The following CLVS1 variants were observed in gnomAD, a reference collection of about 807,000 sequenced individuals.
CLVS1 encodes clavesin-1.
Under a neutral mutation model 33.1 loss-of-function variants are expected in CLVS1, and 10 were observed. The ratio of observed to expected loss-of-function variants is 0.30; its 90% CI spans 0.19 to 0.51. The LOEUF (loss-of-function observed/expected upper bound fraction) is 0.51, where lower values mean the gene tolerates loss of function less well. CLVS1 is among the 20% of genes least tolerant of loss of function. The probability of loss-of-function intolerance (pLI) is 0.97; values close to 1 mark genes in which losing one functional copy is unlikely to be tolerated. For missense variants in CLVS1, 343 were observed against 433.4 expected (o/e 0.79, Z 1.85); for synonymous variants, 163 against 166.1 (o/e 0.98, Z 0.14).
rs116880802 is a variant in CLVS1 at position 61,375,503 on chromosome 8, G to A, written c.456-1102G>A. Reference sequence around the variant, plus strand: ...TGACATCAGGTGATCTGCCTGCTTCGGCCTCTAAAAGTCCTGGGATTACAG... The same window carrying A: ...TGACATCAGGTGATCTGCCTGCTTCAGCCTCTAAAAGTCCTGGGATTACAG... On this transcript the variant is annotated intron_variant, in intron 2 of 5. Coordinates refer to ENST00000325897, the MANE Select transcript of CLVS1 (RefSeq NM_173519.3). 2.0e-3 allele frequency among the ~76,000 whole-genome samples: 302 copies of A among 152,152 alleles called. 8 individuals carry two copies. The East Asian group carries it at 0.049, about 25-fold the overall frequency.
intron 2 of CLVS1, among the ~76,000 whole-genome samples, chr8:61,164,642 C>T (rs1422071572): frequency 6.6e-6 from 1 of 152,194 alleles, no homozygotes; most frequent in Non-Finnish European, 1.5e-5. Context: ...AACCAATCCC[C>T]TGAGCCCTAT....
chr8:61,404,088 T>C (rs1270429416), intron 3 of CLVS1, among the ~76,000 whole-genome samples: 4 of 152,206 alleles, frequency 2.6e-5, no homozygotes, highest in Admixed American at 6.5e-5. Flanking sequence ...AGGATTCTTA[T>C]GGAGCTGCTG....
In CLVS1 at chr8:61,093,366, T is replaced by C. The variant is rs188997735; in HGVS notation, c.-243+36136T>C. ...GCAACAATTTGTAATGCAGCCTCTA[T>C]GGCTATAGAATTCTTCCTGGACTCA... On this transcript the variant is annotated intron_variant, in intron 1 of 2. Transcript: ENST00000522621. 1.8e-4 allele frequency among the ~76,000 whole-genome samples: 27 copies of C among 152,296 alleles called. No individual in the cohort carries two copies. In the Middle Eastern group the frequency reaches 0.01, roughly 58 times the overall value.
At chr8:61,272,869 A>G (rs1225888461) in intron 2 of CLVS1, among the ~76,000 whole-genome samples, 1 of 151,770 alleles carries the variant, frequency 6.6e-6, no homozygotes, top group African/African-American at 2.4e-5. Context: ...ACTTGTCTGT[A>G]TTGGTTATTC....
intron 2 of CLVS1, among the ~76,000 whole-genome samples, chr8:61,172,711 TA>T (rs1260022497): frequency 6.6e-6 from 1 of 152,126 alleles, no homozygotes; most frequent in Non-Finnish European, 1.5e-5. Flanking sequence ...AAATTTATCG[TA>T]TTTTCACATA....
chr8:61,239,407 C>T (rs1321350187), intron 2 of CLVS1, among the ~76,000 whole-genome samples: 1 of 152,104 alleles, frequency 6.6e-6, no homozygotes, highest in Non-Finnish European at 1.5e-5. Context: ...CAATTATGTT[C>T]TAATATAGGT....
intron 2 of CLVS1, among the ~76,000 whole-genome samples, chr8:61,205,450 TTAAA>T (rs538875853): frequency 2.7e-4 from 41 of 152,228 alleles, no homozygotes; most frequent in Non-Finnish European, 4.3e-4. Flanking sequence ...TTCCTTTCTT[TTAAA>T]TAAATACTCC....
At chr8:61,215,514 G>A (rs993893396) in intron 2 of CLVS1, among the ~76,000 whole-genome samples, 2 of 105,150 alleles carry the variant, frequency 1.9e-5, no homozygotes, top group Admixed American at 1.9e-4. Context: ...TGAAGGTAAA[G>A]TTTAACGGAT....
At position 61,485,166 on chromosome 8, in the gene CLVS1, A is replaced by T. The variant is rs543364029; in HGVS notation, c.978-14289A>T. On this transcript the variant is annotated intron_variant, in intron 5 of 5. Transcript: ENST00000325897. ...ATCAGAGTGAACAGGCAACCCACAA[A>T]ATGGGAGAAAATTTTCGCAACCTAC... 5.1e-4 allele frequency among the ~76,000 whole-genome samples: 78 copies of T among 152,282 alleles called. 1 individual carries two copies. Among genetic ancestry groups the T allele is most frequent in the African/African-American group, 1.7e-3 (69 of 41,578 alleles).
chr8:61,360,801 T>C (rs1329275686), intron 2 of CLVS1, among the ~76,000 whole-genome samples: 1 of 152,186 alleles, frequency 6.6e-6, no homozygotes, highest in Non-Finnish European at 1.5e-5. Context: ...ACGACTTGCT[T>C]AAATAATAAG....
intron 1 of CLVS1, among the ~76,000 whole-genome samples, chr8:61,116,749 T>G (rs1476386521): frequency 6.9e-6 from 1 of 144,282 alleles, no homozygotes; most frequent in South Asian, 2.4e-4. Context: ...TTGGTACCAG[T>G]ACCATGCTGT....
intron 5 of CLVS1, 184 bp downstream of exon 5, chr8:61,458,726 C>T: frequency 1.9e-6 from 1 of 527,316 alleles, no homozygotes; most frequent in Non-Finnish European, 3.3e-6. Context: ...TGGCCCAGCA[C>T]TATAGTTGTC....
At chr8:60,991,797 AG>A in the CLVS1 span, among the ~76,000 whole-genome samples, 1 of 135,170 alleles carries the variant, frequency 7.4e-6, no homozygotes, top group African/African-American at 2.8e-5. Context: ...CCCAGGCTGG[AG>A]TGCAGTGGCA....
chr8:61,169,851 T>C (rs1806957274), intron 2 of CLVS1, among the ~76,000 whole-genome samples: 1 of 152,186 alleles, frequency 6.6e-6, no homozygotes, highest in Non-Finnish European at 1.5e-5. Context: ...AATTTGTCTA[T>C]TGTCAGTTTG....
the CLVS1 span, among the ~76,000 whole-genome samples, chr8:60,986,927 T>G: frequency 6.6e-6 from 1 of 152,220 alleles, no homozygotes; most frequent in Non-Finnish European, 1.5e-5. Context: ...CTAGAAAGGC[T>G]TATGTGTCAT....
At chr8:61,176,723 C>T (rs569434997) in intron 2 of CLVS1, among the ~76,000 whole-genome samples, 1 of 152,262 alleles carries the variant, frequency 6.6e-6, no homozygotes, top group African/African-American at 2.4e-5. Flanking sequence ...CACGGGAGAG[C>T]CACATGAGGC....
intron 2 of CLVS1, among the ~76,000 whole-genome samples, chr8:61,272,820 C>G (rs1585739319): frequency 1.3e-5 from 2 of 152,202 alleles, no homozygotes; most frequent in Admixed American, 1.3e-4. Flanking sequence ...TCACGTAGTT[C>G]TCGAGCCTTG....
At chr8:61,380,648 G>T (rs569642692) in intron 3 of CLVS1, among the ~76,000 whole-genome samples, 1 of 152,080 alleles carries the variant, frequency 6.6e-6, no homozygotes, top group South Asian at 2.1e-4. Flanking sequence ...TAAAAGAGCC[G>T]TTGTATCTGT....
chr8:61,232,950 A>C (rs954195971), intron 2 of CLVS1, among the ~76,000 whole-genome samples: 3 of 152,254 alleles, frequency 2.0e-5, no homozygotes, highest in African/African-American at 7.2e-5. Flanking sequence ...AATCTTTGGA[A>C]AATAATACAT....
Sources: gnomAD v4.1 joint callset for allele counts (sites outside exome capture counted in the v4.1 genomes callset) on GRCh38, gnomAD v4.1.1 for gene constraint, MANE v1.5 for transcripts, NCBI Gene and HGNC (gene_info 2026-07-23, HGNC 2026-07-21) for gene names.